The following CEMIP2 variants were observed in gnomAD, a reference collection of about 807,000 sequenced individuals.
The protein encoded by CEMIP2 is cell migration inducing hyaluronidase 2.
CEMIP2 carries 79 observed loss-of-function variants against 146.9 expected under a neutral mutation model. The ratio of observed to expected loss-of-function variants is 0.54; its 90% CI spans 0.45 to 0.65. The LOEUF is 0.65. CEMIP2 is among the 30% of genes least tolerant of loss of function. The pLI, the probability that CEMIP2 is intolerant of heterozygous loss-of-function variation, is 0.00. For synonymous variants in CEMIP2, 601 were observed against 606.3 expected (o/e 0.99, Z 0.13); for missense variants, 1,596 against 1,696.2 (o/e 0.94, Z 1.04).
intron 6 of CEMIP2, among the ~76,000 whole-genome samples, chr9:71,733,120 T>G (rs1233633640): frequency 6.6e-6 from 1 of 152,036 alleles, no homozygotes; most frequent in Non-Finnish European, 1.5e-5. Flanking sequence ...AATATCAGGG[T>G]GTCAACTTGT....
At chr9:71,754,488 T>C (rs1378482526) in intron 1 of CEMIP2, among the ~76,000 whole-genome samples, 1 of 152,224 alleles carries the variant, frequency 6.6e-6, no homozygotes, top group African/African-American at 2.4e-5. Context: ...CATGTTATTT[T>C]TTTTAAATGG....
intron 18 of CEMIP2, among the ~76,000 whole-genome samples, 158 bp from the exon 19 acceptor site, chr9:71,700,982 C>T (rs909819990): frequency 7.2e-5 from 11 of 152,330 alleles, no homozygotes; most frequent in South Asian, 6.2e-4. Context: ...GGGCCACTGA[C>T]AGTGGAAGTT....
intron 10 of CEMIP2, among the ~76,000 whole-genome samples, chr9:71,728,886 C>G (rs1373143378): frequency 1.3e-5 from 2 of 151,442 alleles, no homozygotes; most frequent in African/African-American, 4.9e-5. Context: ...GGCTGGAGTA[C>G]AGTGGCGCAA....
At chr9:71,697,701 G>GA (rs1439423085) in intron 20 of CEMIP2, 18 of 319,952 alleles carry the variant, frequency 5.6e-5, no homozygotes, top group Admixed American at 9.1e-5. Context: ...ATCTGAGAAA[G>GA]AAAAAAAATG....
chr9:71,703,758 C>G (rs975811857), intron 18 of CEMIP2, among the ~76,000 whole-genome samples: 3 of 152,154 alleles, frequency 2.0e-5, no homozygotes, highest in African/African-American at 4.8e-5. Flanking sequence ...CCCCATCACA[C>G]TGACTCCATC....
chr9:71,705,640 C>T (rs527250901), intron 17 of CEMIP2, among the ~76,000 whole-genome samples: 3 of 151,458 alleles, frequency 2.0e-5, no homozygotes, highest in Non-Finnish European at 4.4e-5. Context: ...CTACTGACAC[C>T]GCTTAAAGAT....
intron 2 of CEMIP2, among the ~76,000 whole-genome samples, chr9:71,749,539 C>A (rs543457217): frequency 3.3e-5 from 5 of 152,020 alleles, no homozygotes; most frequent in African/African-American, 1.2e-4. Context: ...AACCCTGTCT[C>A]TACTAAAAAT....
At chr9:71,735,816 G>A (rs373134580) in intron 5 of CEMIP2, among the ~76,000 whole-genome samples, 9 of 152,240 alleles carry the variant, frequency 5.9e-5, no homozygotes, top group Admixed American at 4.6e-4. Context: ...TTTGTGGCTG[G>A]GCACAGTGGC....
intron 7 of CEMIP2, among the ~76,000 whole-genome samples, chr9:71,731,305 C>T (rs1823610338): frequency 6.6e-6 from 1 of 152,176 alleles, no homozygotes; most frequent in Admixed American, 6.6e-5. Flanking sequence ...TTTTAGTTAG[C>T]ACATAATATT....
intron 1 of CEMIP2, among the ~76,000 whole-genome samples, chr9:71,750,701 C>T (rs1824226206): frequency 6.6e-6 from 1 of 151,964 alleles, no homozygotes; most frequent in African/African-American, 2.4e-5. Context: ...CCCACCTCAG[C>T]CTCCCAAAGT....
chr9:71,704,625 G>C lies in CEMIP2; in HGVS notation c.3164C>G (p.Thr1055Ser), dbSNP rs775458927. Residue 1055 changes from threonine (T) to serine (S), a missense_variant, in exon 18 of 24, where the codon ACT (threonine) becomes AGT (serine). By Grantham distance (58) the Thr-to-Ser change is moderately conservative. Coordinates refer to ENST00000377044, the MANE Select transcript of CEMIP2 (RefSeq NM_013390.3). ...GAAGTTGACGAGGTATAGAAATGTAGTCCGTGGTGCCGGCCCATTCCAGTG... is the reference window on the plus strand; with the variant it reads ...GAAGTTGACGAGGTATAGAAATGTACTCCGTGGTGCCGGCCCATTCCAGTG... ...TIHWNGPAPR[T>S]TFLYLVNFNK... 3.7e-6 allele frequency: 6 copies of C among 1,614,130 alleles called. No homozygotes were observed. The highest frequency in any genetic ancestry group is 5.1e-6 in the Non-Finnish European group (6 of 1,180,016).
At chr9:71,740,734 A>G (rs976305949) in intron 4 of CEMIP2, among the ~76,000 whole-genome samples, 3 of 152,196 alleles carry the variant, frequency 2.0e-5, no homozygotes, top group Non-Finnish European at 2.9e-5. Context: ...CAGCATTTGT[A>G]GTTTGCAATA....
chr9:71,702,195 T>C (rs1222858445), intron 18 of CEMIP2, among the ~76,000 whole-genome samples: 12 of 149,064 alleles, frequency 8.1e-5, no homozygotes, highest in Non-Finnish European at 1.6e-4. Context: ...GAGGCGGAGG[T>C]TGCAGTGAGC....
intron 22 of CEMIP2, among the ~76,000 whole-genome samples, chr9:71,687,741 G>A (rs544447143): frequency 7.2e-5 from 11 of 152,184 alleles, no homozygotes; most frequent in African/African-American, 9.6e-5. Context: ...TGGTGTGCAC[G>A]TGTAGTCCCA....
In CEMIP2 at chr9:71,685,244, G is replaced by A. The variant is rs762405946; in HGVS notation, c.4105C>T (p.Arg1369Cys). The A allele has an allele frequency of 3.5e-5, 57 of 1,613,290 alleles. No individual in the cohort carries two copies. The highest frequency in any genetic ancestry group is 5.0e-5 in the Admixed American group (3 of 59,912). ...TTTAGCAGTTCCAGGTCTCTTCTGCGGACAGTGGTGGCTCTGGGACAACCA... is the reference window on the plus strand; with the variant it reads ...TTTAGCAGTTCCAGGTCTCTTCTGCAGACAGTGGTGGCTCTGGGACAACCA... Reference protein sequence around the residue: ...EYGCPRATTVRRRDLELLKQA... With the variant: ...EYGCPRATTVCRRDLELLKQA... Residue 1369 changes from arginine to cysteine, a missense_variant, in exon 24 of 24, where the codon CGC (arginine) becomes TGC (cysteine). Arg to Cys is a radical substitution (Grantham distance 180, BLOSUM62 -3). Coordinates refer to ENST00000377044, the MANE Select transcript of CEMIP2 (RefSeq NM_013390.3).
intron 6 of CEMIP2, 105 bp downstream of exon 6, chr9:71,734,698 ATGG>A: frequency 1.7e-5 from 16 of 941,350 alleles, no homozygotes; most frequent in Non-Finnish European, 2.2e-5. Flanking sequence ...GATGATTGTG[ATGG>A]TGGTGGTGGT....
chr9:71,754,350 G>A (rs1228032539), intron 1 of CEMIP2, among the ~76,000 whole-genome samples: 2 of 152,184 alleles, frequency 1.3e-5, no homozygotes, highest in Admixed American at 6.5e-5. Context: ...TTGGGGTCCT[G>A]AGAACAAAAG....
At chr9:71,727,747 G>A (rs371794721) in intron 10 of CEMIP2, among the ~76,000 whole-genome samples, 121 of 152,214 alleles carry the variant, frequency 7.9e-4, no homozygotes, top group Non-Finnish European at 1.2e-3. Flanking sequence ...TTACAATCTC[G>A]ATAGCATACT....
chr9:71,709,331 G>A lies in CEMIP2; in HGVS notation c.2913C>T (p.Tyr971=), dbSNP rs1380337730. 1 of 1,614,050 alleles carries A rather than the reference G, an allele frequency of 6.2e-7. No individual in the cohort carries two copies. Among genetic ancestry groups the A allele is most frequent in the Non-Finnish European group, 8.5e-7 (1 of 1,180,022 alleles). Reference sequence around the variant, plus strand: ...TTACACAGCTTGGATGGCGGATCAGGTAGTTGTCCATTCTTCCCACATAAG... The same window carrying A: ...TTACACAGCTTGGATGGCGGATCAGATAGTTGTCCATTCTTCCCACATAAG... ...KDAYVGRMDN[Y]LIRHPSCVNV... is the part of the protein sequence containing the mutation. The change falls in exon 17 of 24, where the codon TAC becomes TAT. Residue 971 remains tyrosine, a synonymous_variant. Coordinates refer to ENST00000377044, the MANE Select transcript of CEMIP2 (RefSeq NM_013390.3).
Sources: gnomAD v4.1 joint callset for allele counts (sites outside exome capture counted in the v4.1 genomes callset) on GRCh38, gnomAD v4.1.1 for gene constraint, MANE v1.5 for transcripts, NCBI Gene and HGNC (gene_info 2026-07-23, HGNC 2026-07-21) for gene names.